Variants in SOX6 observed in about 807,000 individuals in gnomAD.
SOX6 encodes the protein transcription factor SOX-6.
Under a neutral mutation model 97.8 loss-of-function variants are expected in SOX6, and 11 were observed. That is an observed-to-expected ratio of 0.11 (90% CI 0.07 to 0.19). The LOEUF (loss-of-function observed/expected upper bound fraction) is 0.19. Ranked by LOEUF, SOX6 falls within the 10% of genes least tolerant of loss-of-function variation. The probability of loss-of-function intolerance (pLI) is 1.00; values close to 1 mark genes in which losing one functional copy is unlikely to be tolerated. For synonymous variants in SOX6, 360 were observed against 371.4 expected (o/e 0.97, Z 0.35); for missense variants, 810 against 1,039.5 (o/e 0.78, Z 3.04).
At chr11:16,574,343 T>C (rs991149098) in intron 4 of SOX6, among the ~76,000 whole-genome samples, 4 of 152,104 alleles carry the variant, frequency 2.6e-5, no homozygotes, top group African/African-American at 9.7e-5. Context: ...CATGTTTATA[T>C]AGGCATTTGA....
In SOX6 at chr11:16,118,199, G is replaced by A. The variant is rs532066222; in HGVS notation, c.778-6276C>T. On this transcript the variant is annotated intron_variant, in intron 6 of 15. Coordinates refer to ENST00000683767, the MANE Select transcript of SOX6 (RefSeq NM_001367873.1). Reference sequence around the variant, plus strand: ...ACCAAGTAACCGGAAACCCCATCACGGGTGAAGCTTAGTGTATCATGAAAG... The same window carrying A: ...ACCAAGTAACCGGAAACCCCATCACAGGTGAAGCTTAGTGTATCATGAAAG... Among the ~76,000 whole-genome samples the A allele has an allele frequency of 1.2e-3, 182 of 152,272 alleles. 4 individuals are homozygous for A. In the South Asian group the frequency reaches 0.031, roughly 26 times the overall value.
intron 2 of SOX6, among the ~76,000 whole-genome samples, chr11:16,323,736 T>C (rs1855991735): frequency 2.0e-5 from 3 of 152,256 alleles, no homozygotes; most frequent in South Asian, 2.1e-4. Context: ...AAATATTCAT[T>C]ACTATTTTGC....
chr11:16,014,424 C>A (rs1854822197), intron 13 of SOX6, among the ~76,000 whole-genome samples: 1 of 151,986 alleles, frequency 6.6e-6, no homozygotes, highest in African/African-American at 2.4e-5. Context: ...TCATTTAATC[C>A]CCAAAATGGT....
In SOX6 at chr11:16,393,558, T is replaced by C. The variant is rs1484420577; in HGVS notation, c.-4-52306A>G. 3.1e-4 allele frequency among the ~76,000 whole-genome samples: 47 copies of C among 152,224 alleles called. 1 individual carries two copies. ...GTCTACCCAAGAAGCTACTATCTTC[T>C]GCCTTATCACATGGCTTCATTTGAG... On this transcript the variant is annotated intron_variant, in intron 1 of 15. Transcript: ENST00000396356.
chr11:16,278,696 A>G (rs997506), intron 3 of SOX6, among the ~76,000 whole-genome samples: 118,554 of 151,854 alleles, frequency 0.78, 46,423 homozygotes, highest in Non-Finnish European at 0.8. Context: ...AAAATAATGT[A>G]TTTTATCAAC....
chr11:16,609,103 C>CA (rs1172203628), intron 4 of SOX6, among the ~76,000 whole-genome samples: 10 of 151,930 alleles, frequency 6.6e-5, no homozygotes, highest in East Asian at 1.9e-4. Context: ...AATCTCAGTG[C>CA]AAAAAAAGCT....
intron 6 of SOX6, among the ~76,000 whole-genome samples, chr11:16,182,077 A>G (rs1465639610): frequency 1.3e-5 from 2 of 151,818 alleles, no homozygotes; most frequent in Non-Finnish European, 3.0e-5. Flanking sequence ...TAGTCAATTT[A>G]TACTACACAA....
chr11:15,997,804 A>T (rs1003846994), intron 13 of SOX6, among the ~76,000 whole-genome samples: 4 of 152,202 alleles, frequency 2.6e-5, no homozygotes, highest in African/African-American at 9.6e-5. Context: ...TTGTTAATCA[A>T]CAATTAAAAA....
intron 2 of SOX6, among the ~76,000 whole-genome samples, chr11:16,725,395 C>T (rs1273939059): frequency 6.6e-6 from 1 of 151,744 alleles, no homozygotes; most frequent in Non-Finnish European, 1.5e-5. Context: ...TGTGGTGGTG[C>T]GCACCTATAG....
chr11:16,308,246 A>G (rs1447083640), intron 3 of SOX6, among the ~76,000 whole-genome samples: 1 of 152,220 alleles, frequency 6.6e-6, no homozygotes, highest in Non-Finnish European at 1.5e-5. Flanking sequence ...AAAATGAATC[A>G]TGAGATTTAT....
At chr11:16,561,781 G>C (rs1332869926) in intron 4 of SOX6, among the ~76,000 whole-genome samples, 2 of 152,082 alleles carry the variant, frequency 1.3e-5, no homozygotes, top group African/African-American at 4.8e-5. Context: ...CCAGATTGGA[G>C]TGCAGTGGCG....
Position 16,154,658 on chromosome 11 carries a change from C to CA in SOX6, c.777+29227dup, listed in dbSNP as rs369413427. 3.9e-3 allele frequency among the ~76,000 whole-genome samples: 583 copies of CA among 149,968 alleles called. 3 individuals carry two copies. Among genetic ancestry groups the CA allele is most frequent in the Non-Finnish European group, 6.9e-3 (462 of 67,416 alleles). On this transcript the variant is annotated intron_variant, in intron 6 of 15. Coordinates refer to ENST00000683767, the MANE Select transcript of SOX6 (RefSeq NM_001367873.1). ...TTTAAAGCCGTTTAATATTTGCTTA[C>CA]AAAAAAAAATGCAACTTTTTGTCTT...
Position 15,973,034 on chromosome 11 carries a change from TG to T in SOX6, c.2261del (p.Pro754HisfsTer5). On this transcript the variant is annotated frameshift_variant, in exon 16 of 16. Transcript: ENST00000683767. LOFTEE classifies it high-confidence loss of function. ...AGCAGTCAGATGTCATCTGAGGCGA[TG>T]GTGTGGTAGTTGCCATAGTGATAGC... ...PGAITMATTT[P>X]SPQMTSDCSS... is the part of the protein sequence containing the mutation. 6.2e-7 allele frequency: 1 copy of T among 1,614,178 alleles called. No homozygotes were observed. The highest frequency in any genetic ancestry group is 8.5e-7 in the Non-Finnish European group (1 of 1,180,020).
At chr11:16,094,671 T>C (rs1034745927) in intron 9 of SOX6, among the ~76,000 whole-genome samples, 4 of 151,914 alleles carry the variant, frequency 2.6e-5, no homozygotes, top group Non-Finnish European at 4.4e-5. Context: ...CTAGCTCTCC[T>C]AGGCATAGAT....
intron 1 of SOX6, among the ~76,000 whole-genome samples, chr11:16,412,571 T>A (rs1468001676): frequency 2.0e-5 from 3 of 152,082 alleles, no homozygotes; most frequent in East Asian, 1.9e-4. Flanking sequence ...CTGGATGACT[T>A]GAGATCAGCC....
chr11:16,234,112 C>T lies in SOX6; in HGVS notation c.535+470G>A, dbSNP rs182687087. On this transcript the variant is annotated intron_variant, in intron 4 of 15. Transcript: ENST00000683767. ...GTGACAGAGCCAGGATTTGAACCAA[C>T]GTAAACAAGCTTCAGAATCCCCCAA... is the stretch of plus-strand genomic sequence containing the variant. Among the ~76,000 whole-genome samples, 397 of 151,988 alleles carry T rather than the reference C, an allele frequency of 2.6e-3. 1 individual carries two copies. Among genetic ancestry groups the T allele is most frequent in the Non-Finnish European group, 4.4e-3 (300 of 67,964 alleles).
chr11:16,590,714 T>A (rs1848140000), intron 4 of SOX6, among the ~76,000 whole-genome samples: 1 of 151,984 alleles, frequency 6.6e-6, no homozygotes, highest in Non-Finnish European at 1.5e-5. Flanking sequence ...AAACTTCATA[T>A]GTTATCACTT....
intron 3 of SOX6, among the ~76,000 whole-genome samples, chr11:16,621,222 T>G (rs1337794416): frequency 6.6e-6 from 1 of 152,226 alleles, no homozygotes; most frequent in East Asian, 1.9e-4. Flanking sequence ...CATGTACTCC[T>G]TGTGATGTCT....
chr11:16,065,611 T>A (rs977139833), intron 9 of SOX6, among the ~76,000 whole-genome samples: 3 of 152,060 alleles, frequency 2.0e-5, no homozygotes, highest in African/African-American at 7.2e-5. Context: ...TCCACACACC[T>A]ACAGTGAACT....
Sources: allele counts gnomAD v4.1 joint callset (sites outside exome capture counted in the v4.1 genomes callset), GRCh38; gene constraint gnomAD v4.1.1; transcripts MANE v1.5; gene names NCBI Gene and HGNC (gene_info 2026-07-23, HGNC 2026-07-21).